The following PTPN4 variants were observed in gnomAD, a reference collection of about 807,000 sequenced individuals.
The protein encoded by PTPN4 is tyrosine-protein phosphatase non-receptor type 4.
Under a neutral mutation model 135.5 loss-of-function variants are expected in PTPN4, and 49 were observed. The observed-to-expected ratio is 0.36, with a 90% CI of 0.29 to 0.46. The LOEUF is 0.46. Among genes scored for constraint, PTPN4 ranks in the 20% least tolerant of loss-of-function variants. PTPN4 has a pLI of 1.00. For missense variants in PTPN4, 860 were observed against 1,101.0 expected, an observed-to-expected ratio of 0.78 and a Z score of 3.10; for synonymous variants, 333 against 369.9, an observed-to-expected ratio of 0.90 and a Z score of 1.14.
intron 2 of PTPN4, among the ~76,000 whole-genome samples, chr2:119,845,113 G>C (rs916987159): frequency 6.7e-5 from 10 of 148,818 alleles, no homozygotes; most frequent in Non-Finnish European, 1.3e-4. Flanking sequence ...GTGGCGGCGC[G>C]AGCCTGCAAT....
At chr2:119,835,407 A>G (rs184794550) in intron 2 of PTPN4, among the ~76,000 whole-genome samples, 42 of 151,418 alleles carry the variant, frequency 2.8e-4, no homozygotes, top group African/African-American at 9.9e-4. Flanking sequence ...GTGGTCTTGA[A>G]CTCCTGACCT....
chr2:119,888,450 T>C (rs1678191843), intron 9 of PTPN4, among the ~76,000 whole-genome samples: 1 of 152,206 alleles, frequency 6.6e-6, no homozygotes, highest in Non-Finnish European at 1.5e-5. Flanking sequence ...AATTTCAACT[T>C]TTCTGTGTTC....
At chr2:119,788,080 G>T (rs1558725618) in intron 1 of PTPN4, among the ~76,000 whole-genome samples, 2 of 151,980 alleles carry the variant, frequency 1.3e-5, no homozygotes, top group Non-Finnish European at 2.9e-5. Flanking sequence ...AGTTTATTTT[G>T]GTTTATTTAA....
chr2:119,894,326 C>T (rs1480827317), intron 9 of PTPN4, among the ~76,000 whole-genome samples: 3 of 152,172 alleles, frequency 2.0e-5, no homozygotes, highest in African/African-American at 7.2e-5. Flanking sequence ...TGACTTTATC[C>T]ATGTCACTCT....
At chr2:119,913,289 C>T (rs543458783) in intron 10 of PTPN4, among the ~76,000 whole-genome samples, 24 of 152,232 alleles carry the variant, frequency 1.6e-4, no homozygotes, top group Admixed American at 1.0e-3. Context: ...ATTTTACGTT[C>T]CCACCAGCAT....
chr2:119,957,182 T>C lies in PTPN4; in HGVS notation c.2133+105T>C, dbSNP rs930101590. The stretch of plus-strand genomic sequence containing the variant: ...CCTGACCTGGATAGAATATTAAAAC[T>C]TTCAGCTATGAAAAATATTATTGAA... On this transcript the variant is annotated intron_variant, in intron 22 of 26. Coordinates refer to ENST00000263708, the MANE Select transcript of PTPN4 (RefSeq NM_002830.4). 15 of 1,042,444 alleles carry C rather than the reference T, an allele frequency of 1.4e-5. No homozygotes were observed. The African/African-American group carries it at 2.1e-4, about 15-fold the overall frequency. 64.6% of individuals were successfully genotyped at this position (1,042,444 alleles called of 1,614,324 possible).
At chr2:119,824,163 A>G (rs777490658) in intron 2 of PTPN4, among the ~76,000 whole-genome samples, 8 of 152,086 alleles carry the variant, frequency 5.3e-5, no homozygotes, top group Non-Finnish European at 1.0e-4. Flanking sequence ...TAGAGAACAT[A>G]CTTTGTATGA....
At chr2:119,822,848 A>T (rs1013062945) in intron 2 of PTPN4, among the ~76,000 whole-genome samples, 1 of 152,146 alleles carries the variant, frequency 6.6e-6, no homozygotes, top group African/African-American at 2.4e-5. Context: ...GTAAGTTATT[A>T]ATTCTTTTTC....
chr2:119,827,127 C>T (rs1677157712), intron 2 of PTPN4, among the ~76,000 whole-genome samples: 1 of 152,118 alleles, frequency 6.6e-6, no homozygotes, highest in East Asian at 1.9e-4. Flanking sequence ...TAGCCGTACC[C>T]CTATACATAC....
chr2:119,933,415 A>G (rs1678934401), intron 14 of PTPN4, among the ~76,000 whole-genome samples: 1 of 152,162 alleles, frequency 6.6e-6, no homozygotes, highest in South Asian at 2.1e-4. Context: ...GCAGTGGCTC[A>G]TTCCTGTAAT....
At chr2:119,910,642 T>C (rs1678557577) in intron 10 of PTPN4, among the ~76,000 whole-genome samples, 1 of 152,138 alleles carries the variant, frequency 6.6e-6, no homozygotes, top group South Asian at 2.1e-4. Context: ...AGGGACAGTT[T>C]CCCCCATTGT....
intron 9 of PTPN4, among the ~76,000 whole-genome samples, chr2:119,895,916 C>CAAA (rs534245263): frequency 7.8e-4 from 87 of 111,024 alleles, no homozygotes; most frequent in South Asian, 5.7e-3. Context: ...GACTCTGTCT[C>CAAA]AAAAAAAAAA....
At chr2:119,907,962 G>A (rs1678513590) in intron 10 of PTPN4, among the ~76,000 whole-genome samples, 1 of 152,140 alleles carries the variant, frequency 6.6e-6, no homozygotes, top group Non-Finnish European at 1.5e-5. Flanking sequence ...AAATGGATTA[G>A]AGAGTTACAC....
At chr2:119,795,822 C>G (rs1414827144) in intron 1 of PTPN4, among the ~76,000 whole-genome samples, 1 of 152,274 alleles carries the variant, frequency 6.6e-6, no homozygotes, top group Non-Finnish European at 1.5e-5. Flanking sequence ...TCTATCCCCA[C>G]CCCTTTGTGC....
chr2:119,952,201 A>G, intron 19 of PTPN4, 72 bp downstream of exon 19: 1 of 1,372,358 alleles, frequency 7.3e-7, no homozygotes, highest in East Asian at 2.5e-5. Flanking sequence ...CAGCAGCCAG[A>G]TTTCTGACAT....
chr2:119,793,215 C>T (rs771239391), intron 1 of PTPN4, among the ~76,000 whole-genome samples: 1 of 152,134 alleles, frequency 6.6e-6, no homozygotes, highest in Non-Finnish European at 1.5e-5. Flanking sequence ...TTAGAGGCCT[C>T]CCCCTGGGAA....
intron 22 of PTPN4, among the ~76,000 whole-genome samples, chr2:119,960,432 T>G (rs1229032292): frequency 2.6e-5 from 4 of 152,350 alleles, no homozygotes; most frequent in Non-Finnish European, 4.4e-5. Flanking sequence ...TATTTTTTAT[T>G]TCTTTACCAA....
intron 2 of PTPN4, among the ~76,000 whole-genome samples, chr2:119,856,157 A>G (rs1166185170): frequency 1.3e-5 from 2 of 152,128 alleles, no homozygotes; most frequent in African/African-American, 2.4e-5. Flanking sequence ...TATCACTCCC[A>G]TCGGGACTTT....
At chr2:119,950,388 C>T (rs1285832415) in intron 18 of PTPN4, among the ~76,000 whole-genome samples, 6 of 152,164 alleles carry the variant, frequency 3.9e-5, no homozygotes, top group African/African-American at 4.8e-5. Flanking sequence ...TAAATTTGAA[C>T]GTTCCAGATT....
Sources: gnomAD v4.1 joint callset for allele counts (sites outside exome capture counted in the v4.1 genomes callset) on GRCh38, gnomAD v4.1.1 for gene constraint, MANE v1.5 for transcripts, NCBI Gene and HGNC (gene_info 2026-07-23, HGNC 2026-07-21) for gene names.